UBAC2: variants seen among roughly 807,000 people sequenced by gnomAD.
UBAC2 encodes the protein UBA domain containing 2, also known as ubiquitin-associated domain-containing protein 2.
UBAC2 carries 26 observed loss-of-function variants against 44.0 expected under a neutral mutation model. That is an observed-to-expected ratio of 0.59 (90% CI 0.43 to 0.82). UBAC2 has a LOEUF of 0.82. Among genes scored for constraint, UBAC2 ranks in the 40% least tolerant of loss-of-function variants. The pLI is 0.00. For synonymous variants in UBAC2, 155 were observed against 154.3 expected, an observed-to-expected ratio of 1.00 and a Z score of -0.04; for missense variants, 329 against 419.4, an observed-to-expected ratio of 0.78 and a Z score of 1.88.
chr13:99,374,129 G>A (rs549311708), intron 8 of UBAC2, among the ~76,000 whole-genome samples: 80 of 152,284 alleles, frequency 5.3e-4, no homozygotes, highest in African/African-American at 1.7e-3. Context: ...GTGAGCTCCC[G>A]CCAGGCAGTA....
chr13:99,378,304 A>C (rs2045507945), intron 8 of UBAC2, among the ~76,000 whole-genome samples: 1 of 152,180 alleles, frequency 6.6e-6, no homozygotes, highest in South Asian at 2.1e-4. Context: ...AGGTGGGCAG[A>C]TCACTTGAGG....
chr13:99,322,332 ACAT>A (rs1401114781), intron 6 of UBAC2, among the ~76,000 whole-genome samples: 1 of 152,208 alleles, frequency 6.6e-6, no homozygotes, highest in Admixed American at 6.5e-5. Flanking sequence ...TGAGCCATCT[ACAT>A]CTCAGAACTT....
chr13:99,255,592 C>T lies in UBAC2; in HGVS notation c.389+10968C>T, dbSNP rs767327161. 1.2e-6 allele frequency: 2 copies of T among 1,614,166 alleles called. No homozygotes were observed. The highest frequency in any genetic ancestry group is 3.3e-5 in the Admixed American group (2 of 60,014). Reference sequence around the variant, plus strand: ...CACTGTGAGAGCTCCAAGAATCTGGCAGAAGTACTCTCCAAATGGCCATTC... The same window carrying T: ...CACTGTGAGAGCTCCAAGAATCTGGTAGAAGTACTCTCCAAATGGCCATTC... On this transcript the variant is annotated intron_variant, in intron 4 of 8. Coordinates refer to ENST00000403766, the MANE Select transcript of UBAC2 (RefSeq NM_001144072.2).
At chr13:99,348,331 A>G (rs2045024037) in intron 7 of UBAC2, among the ~76,000 whole-genome samples, 1 of 152,198 alleles carries the variant, frequency 6.6e-6, no homozygotes, top group Admixed American at 6.5e-5. Flanking sequence ...GTCTGTGCAA[A>G]GAGAAGAAAA....
At chr13:99,251,631 A>T (rs1418616345) in intron 4 of UBAC2, among the ~76,000 whole-genome samples, 1 of 152,176 alleles carries the variant, frequency 6.6e-6, no homozygotes, top group South Asian at 2.1e-4. Context: ...AAACCCTCAA[A>T]TTCTCATTTC....
chr13:99,267,565 T>C (rs529716949), intron 4 of UBAC2, among the ~76,000 whole-genome samples: 1 of 152,282 alleles, frequency 6.6e-6, no homozygotes, highest in Non-Finnish European at 1.5e-5. Context: ...AGGATATAAG[T>C]AAGGAAGGAA....
intron 4 of UBAC2, among the ~76,000 whole-genome samples, chr13:99,252,323 G>T (rs980109944): frequency 3.9e-5 from 6 of 152,220 alleles, no homozygotes; most frequent in Non-Finnish European, 7.3e-5. Flanking sequence ...CTGGCTGTTT[G>T]AGGGGGAACC....
chr13:99,315,497 T>A (rs746186380), intron 5 of UBAC2, among the ~76,000 whole-genome samples: 1 of 152,184 alleles, frequency 6.6e-6, no homozygotes, highest in Non-Finnish European at 1.5e-5. Context: ...AAACACTGTT[T>A]TATTAATTGT....
intron 7 of UBAC2, among the ~76,000 whole-genome samples, chr13:99,347,048 C>T (rs1039178726): frequency 2.0e-5 from 3 of 152,098 alleles, no homozygotes; most frequent in Non-Finnish European, 4.4e-5. Flanking sequence ...GAAGCCCAGG[C>T]GGGCAGATTG....
chr13:99,201,491 TAGGAAGTCGTGGCG>T, intron 1 of UBAC2: 2 of 1,614,150 alleles, frequency 1.2e-6, no homozygotes, highest in Non-Finnish European at 1.7e-6. Flanking sequence ...GGAGGGAAGT[TAGGAAGTCGTGGCG>T]AGGGAGCGCA....
At chr13:99,234,335 T>C in intron 1 of UBAC2, 1 of 338,492 alleles carries the variant, frequency 3.0e-6, no homozygotes, top group South Asian at 1.9e-5. Flanking sequence ...TTATAGGCGC[T>C]TGCCACCACG....
intron 1 of UBAC2, among the ~76,000 whole-genome samples, chr13:99,220,040 A>G (rs1379573907): frequency 6.6e-6 from 1 of 152,224 alleles, no homozygotes; most frequent in East Asian, 1.9e-4. Context: ...GGAAAAAAAA[A>G]TCCTGTGTTT....
intron 4 of UBAC2, among the ~76,000 whole-genome samples, chr13:99,271,853 T>C (rs2043819977): frequency 6.6e-6 from 1 of 152,164 alleles, no homozygotes; most frequent in African/African-American, 2.4e-5. Flanking sequence ...GAGGGGTTTT[T>C]GTTGCCTGGA....
intron 6 of UBAC2, among the ~76,000 whole-genome samples, chr13:99,338,658 G>C (rs2044837759): frequency 6.6e-6 from 1 of 152,092 alleles, no homozygotes; most frequent in African/African-American, 2.4e-5. Flanking sequence ...TTTGAGTAAA[G>C]GGGCACAGAA....
At chr13:99,200,990 C>T (rs1478554111) in intron 1 of UBAC2, 51 bp downstream of exon 1, 20 of 1,296,344 alleles carry the variant, frequency 1.5e-5, no homozygotes, top group East Asian at 2.9e-5. Context: ...CCACCCTAGG[C>T]ACCTCTTTGA....
At chr13:99,384,927 A>G (rs1170061153) in intron 8 of UBAC2, among the ~76,000 whole-genome samples, 2 of 152,258 alleles carry the variant, frequency 1.3e-5, no homozygotes, top group Non-Finnish European at 2.9e-5. Flanking sequence ...TGGGCAGCTC[A>G]TGCCGACCTG....
chr13:99,285,588 C>T lies in UBAC2; in HGVS notation c.390-28509C>T, dbSNP rs1367448760. Among the ~76,000 whole-genome samples, 4 of 151,928 alleles carry T rather than the reference C, an allele frequency of 2.6e-5. No homozygotes were observed. The East Asian group carries it at 5.8e-4, about 22-fold the overall frequency. ...TTAATTTTTTATAGAGACAACGTCT[C>T]GTTATGTTGCCCAGGCTGGTCTCAA... On this transcript the variant is annotated intron_variant, in intron 4 of 8. Transcript: ENST00000403766.
chr13:99,215,348 G>C lies in UBAC2; in HGVS notation c.31+14409G>C, dbSNP rs909119779. On this transcript the variant is annotated intron_variant, in intron 1 of 8. Coordinates refer to ENST00000403766, the MANE Select transcript of UBAC2 (RefSeq NM_001144072.2). The stretch of plus-strand genomic sequence containing the variant: ...GCTGTTCTTTTATTTAGAGTCCTGA[G>C]ATAACAAGGAATCCAGGCATACATT... 1.2e-5 allele frequency: 11 copies of C among 880,108 alleles called. No individual in the cohort carries two copies. In the African/African-American group the frequency reaches 1.3e-4, roughly 11 times the overall value. 54.5% of individuals were successfully genotyped at this position (880,108 alleles called of 1,614,324 possible). A position where few individuals can be genotyped will look rare whatever the true frequency, so the allele number is the denominator to read the frequency against.
At chr13:99,380,898 C>G (rs1351468365) in intron 8 of UBAC2, among the ~76,000 whole-genome samples, 3 of 152,368 alleles carry the variant, frequency 2.0e-5, no homozygotes, top group Middle Eastern at 3.4e-3. Context: ...ACTTAAAGCT[C>G]TGAAGCCAGC....
Sources: allele counts gnomAD v4.1 joint callset (sites outside exome capture counted in the v4.1 genomes callset), GRCh38; gene constraint gnomAD v4.1.1; transcripts MANE v1.5; gene names NCBI Gene and HGNC (gene_info 2026-07-23, HGNC 2026-07-21).